MTAP: variants seen among roughly 807,000 people sequenced by gnomAD.
MTAP encodes methylthioadenosine phosphorylase.
Under a neutral mutation model 33.6 loss-of-function variants are expected in MTAP, and 33 were observed. The ratio of observed to expected loss-of-function variants is 0.98; its 90% CI spans 0.74 to 1.31. The LOEUF (loss-of-function observed/expected upper bound fraction) is 1.31. Ranked by LOEUF, MTAP falls within the 40% of genes most tolerant of loss-of-function variation. The pLI, the probability that MTAP is intolerant of heterozygous loss-of-function variation, is 0.00. For synonymous variants in MTAP, 148 were observed against 125.7 expected (o/e 1.18, Z -1.19); for missense variants, 367 against 360.0 (o/e 1.02, Z -0.16).
At chr9:21,819,913 G>A (rs987691608) in intron 4 of MTAP, among the ~76,000 whole-genome samples, 6 of 152,128 alleles carry the variant, frequency 3.9e-5, no homozygotes, top group African/African-American at 9.7e-5. Flanking sequence ...ATTTTTTCAT[G>A]TGTCTTTTGG....
intron 1 of MTAP, among the ~76,000 whole-genome samples, chr9:21,904,450 A>G (rs961592356): frequency 2.6e-5 from 4 of 151,984 alleles, no homozygotes; most frequent in African/African-American, 9.7e-5. Context: ...TAAAGGGACC[A>G]TGCTCTTCCC....
At chr9:21,821,774 A>G (rs1419651516) in intron 4 of MTAP, among the ~76,000 whole-genome samples, 2 of 152,110 alleles carry the variant, frequency 1.3e-5, no homozygotes, top group Non-Finnish European at 2.9e-5. Context: ...TTTGGTTGGT[A>G]GGCTATTAAT....
chr9:21,884,021 C>A (rs1026380120), intron 1 of MTAP, among the ~76,000 whole-genome samples: 44 of 152,192 alleles, frequency 2.9e-4, no homozygotes, highest in African/African-American at 1.0e-3. Context: ...TGGATGTCGT[C>A]ACATCCACAC....
At position 21,914,573 on chromosome 9, in the gene MTAP, T is replaced by C. The variant is rs553438799; in HGVS notation, c.148-16435T>C. Among the ~76,000 whole-genome samples the C allele has an allele frequency of 7.5e-5, 11 of 146,800 alleles. 1 individual carries two copies. In the South Asian group the frequency reaches 1.3e-3, roughly 18 times the overall value. On this transcript the variant is annotated intron_variant, in intron 1 of 1. Transcript: ENST00000577563. ...GCGTGTTCTCACTCATAGGTGGGAA[T>C]TGAGCAATGACAACTCTTGGCCACA...
At chr9:21,878,609 G>T (rs1359116216) in intron 1 of MTAP, among the ~76,000 whole-genome samples, 1 of 152,106 alleles carries the variant, frequency 6.6e-6, no homozygotes, top group Non-Finnish European at 1.5e-5. Context: ...TGATCCACCT[G>T]CCTTGGCCTC....
chr9:21,857,557 C>G (rs1469106748), intron 6 of MTAP, among the ~76,000 whole-genome samples: 2 of 152,198 alleles, frequency 1.3e-5, no homozygotes, highest in Non-Finnish European at 2.9e-5. Flanking sequence ...ATTTTGTGTT[C>G]ACTTTCTTCA....
At position 21,922,514 on chromosome 9, in the gene MTAP, C is replaced by T. The variant is rs1457116767; in HGVS notation, c.148-8494C>T. On this transcript the variant is annotated intron_variant, in intron 1 of 1. Coordinates refer to the MTAP transcript ENST00000577563. This position sits in a 1 kb window ranked among gnomAD's most constrained non-coding sequence, Gnocchi z 4.8. The stretch of plus-strand genomic sequence containing the variant: ...CCTTGGTCTCTCACTCTCGCTTATG[C>T]CCCTCAGACAAATTCTTTCCTTTGA... 1.3e-5 allele frequency among the ~76,000 whole-genome samples: 2 copies of T among 152,108 alleles called. No homozygotes were observed. The highest frequency in any genetic ancestry group is 3.9e-4 in the East Asian group (2 of 5,184).
intron 1 of MTAP, among the ~76,000 whole-genome samples, chr9:21,885,840 TCATC>T (rs1818100164): frequency 6.6e-6 from 1 of 151,098 alleles, no homozygotes; most frequent in African/African-American, 2.4e-5. Flanking sequence ...CACATTTTCT[TCATC>T]CACTCGTTGA....
chr9:21,818,582 C>T (rs1439050111), intron 4 of MTAP, among the ~76,000 whole-genome samples: 2 of 152,110 alleles, frequency 1.3e-5, no homozygotes, highest in African/African-American at 4.8e-5. Context: ...CCTCCCAAAG[C>T]GCAAAGTGCT....
At chr9:21,881,542 C>T (rs1309138027) in intron 1 of MTAP, among the ~76,000 whole-genome samples, 11 of 151,946 alleles carry the variant, frequency 7.2e-5, no homozygotes, top group Non-Finnish European at 1.5e-5. Flanking sequence ...TGTAATGCCA[C>T]AAGAAATAAT....
intron 5 of MTAP, among the ~76,000 whole-genome samples, chr9:21,850,894 G>A (rs1298801460): frequency 6.6e-6 from 1 of 152,172 alleles, no homozygotes; most frequent in Non-Finnish European, 1.5e-5. Flanking sequence ...CCCGTGCATG[G>A]CCTCCATCCT....
downstream of MTAP, among the ~76,000 whole-genome samples, chr9:21,870,097 T>C (rs1048700910): frequency 6.6e-6 from 1 of 152,200 alleles, no homozygotes; most frequent in African/African-American, 2.4e-5. Context: ...GATAACCACC[T>C]GGCCTCACTA....
chr9:21,863,546 G>C lies in MTAP; in HGVS notation c.*1532G>C. 1.4e-6 allele frequency: 1 copy of C among 717,600 alleles called. No individual in the cohort carries two copies. Among genetic ancestry groups the C allele is most frequent in the Non-Finnish European group, 1.7e-6 (1 of 585,490 alleles). The allele number at this position is 717,600 out of a possible 1,614,324, so 44.5% of individuals were successfully genotyped here. On this transcript the variant is annotated 3_prime_UTR_variant, in exon 8 of 8. Coordinates refer to ENST00000644715, the MANE Select transcript of MTAP (RefSeq NM_002451.4). Reference sequence around the variant, plus strand: ...GGTGTGAACCTGGGAGGTGGAGCTTGCAGTGAGCAGAGCTTGCAGTGAGAC... The same window carrying C: ...GGTGTGAACCTGGGAGGTGGAGCTTCCAGTGAGCAGAGCTTGCAGTGAGAC...
chr9:21,921,340 C>A (rs1220965980), intron 1 of MTAP, among the ~76,000 whole-genome samples: 1 of 151,532 alleles, frequency 6.6e-6, no homozygotes, highest in Admixed American at 6.6e-5. Context: ...TTTATTTTTT[C>A]AAAAAAACCT....
intron 4 of MTAP, among the ~76,000 whole-genome samples, chr9:21,827,900 C>G (rs1284533703): frequency 6.6e-6 from 1 of 152,196 alleles, no homozygotes; most frequent in Non-Finnish European, 1.5e-5. Context: ...ACTCCATATT[C>G]AGGATGATCC....
intron 4 of MTAP, among the ~76,000 whole-genome samples, chr9:21,821,666 T>C (rs895652214): frequency 6.6e-6 from 1 of 152,206 alleles, no homozygotes; most frequent in African/African-American, 2.4e-5. Context: ...GATTCCCTCT[T>C]TTTTTATTGA....
Position 21,838,379 on chromosome 9 carries a change from A to T in MTAP, c.450+369A>T, listed in dbSNP as rs532422051. Among the ~76,000 whole-genome samples, 13 of 152,328 alleles carry T rather than the reference A, an allele frequency of 8.5e-5. No individual in the cohort carries two copies. In the South Asian group the frequency reaches 2.7e-3, roughly 32 times the overall value. On this transcript the variant is annotated intron_variant, in intron 5 of 7. Coordinates refer to ENST00000644715, the MANE Select transcript of MTAP (RefSeq NM_002451.4). ...GTAGCTGTGTCCAAGAGGACAAATTATTTGACATATGTGGGTTTCAGTTAT... is the reference window on the plus strand; with the variant it reads ...GTAGCTGTGTCCAAGAGGACAAATTTTTTGACATATGTGGGTTTCAGTTAT...
intron 1 of MTAP, chr9:21,809,049 C>G (rs1365811338): frequency 6.6e-6 from 1 of 152,204 alleles, no homozygotes; most frequent in Non-Finnish European, 1.5e-5. Context: ...ATTTCCTTGC[C>G]TTTTTCAGCT....
chr9:21,853,673 A>G (rs905819201), intron 5 of MTAP, among the ~76,000 whole-genome samples: 1 of 152,236 alleles, frequency 6.6e-6, no homozygotes, highest in African/African-American at 2.4e-5. Flanking sequence ...AATGATTGTT[A>G]GAAGACCAGC....
Sources: allele counts gnomAD v4.1 joint callset (sites outside exome capture counted in the v4.1 genomes callset), GRCh38; gene constraint gnomAD v4.1.1; non-coding constraint Gnocchi (gnomAD v3.1); transcripts MANE v1.5; gene names NCBI Gene and HGNC (gene_info 2026-07-23, HGNC 2026-07-21).